The following CDH7 variants were observed in gnomAD, a reference collection of about 807,000 sequenced individuals.
The protein encoded by CDH7 is cadherin 7.
CDH7 carries 25 observed loss-of-function variants against 71.8 expected under a neutral mutation model. The observed-to-expected ratio is 0.35, with a 90% CI of 0.25 to 0.49. CDH7 has a LOEUF of 0.49. Among genes scored for constraint, CDH7 ranks in the 20% least tolerant of loss-of-function variants. The probability of loss-of-function intolerance (pLI) is 0.99; values close to 1 mark genes in which losing one functional copy is unlikely to be tolerated. For missense variants in CDH7, 862 were observed against 974.6 expected, an observed-to-expected ratio of 0.88 and a Z score of 1.54; for synonymous variants, 381 against 363.8, an observed-to-expected ratio of 1.05 and a Z score of -0.54.
intron 7 of CDH7, among the ~76,000 whole-genome samples, chr18:65,848,620 T>C (rs1319101314): frequency 1.3e-5 from 2 of 152,116 alleles, no homozygotes; most frequent in East Asian, 3.9e-4. Context: ...TAGTACTAAA[T>C]TATGAAATCA....
intron 2 of CDH7, among the ~76,000 whole-genome samples, chr18:65,791,667 A>T (rs572575346): frequency 2.6e-5 from 4 of 152,288 alleles, no homozygotes; most frequent in African/African-American, 9.6e-5. Context: ...TTATGTCAAG[A>T]CTTATTTTCT....
At chr18:65,848,836 A>T (rs963285112) in intron 7 of CDH7, among the ~76,000 whole-genome samples, 22 of 88,548 alleles carry the variant, frequency 2.5e-4, no homozygotes, top group Non-Finnish European at 6.1e-4. Context: ...GATAATATTT[A>T]CCCGTGGGCT....
rs750883854 is a variant in CDH7 at position 65,880,903 on chromosome 18, C to T, written c.*9C>T. On this transcript the variant is annotated 3_prime_UTR_variant, in exon 12 of 12. Coordinates refer to ENST00000397968, the MANE Select transcript of CDH7 (RefSeq NM_004361.5). ...AGAGTTTGTACTCATAGCCTTGGAA[C>T]CTTAATTCGAAATGTACTGAAGAAA... The T allele has an allele frequency of 8.3e-6, 13 of 1,567,008 alleles. No homozygotes were observed. The highest frequency in any genetic ancestry group is 1.1e-5 in the Non-Finnish European group (13 of 1,159,490).
At chr18:65,756,217 A>G (rs962279551) in intron 1 of CDH7, among the ~76,000 whole-genome samples, 2 of 152,050 alleles carry the variant, frequency 1.3e-5, no homozygotes, top group African/African-American at 4.8e-5. Flanking sequence ...TAGCTCAACA[A>G]TATTTTTTCT....
rs1915862366 is a variant in CDH7 at position 65,751,149 on chromosome 18, A to T, written c.-198A>T. ...GCCGTGGGGAGGGCAGCGAGGCCCC[A>T]GGTGAGTGTGTCTGCCTGCGCGGGG... On this transcript the variant is annotated splice_region_variant and 5_prime_UTR_variant, in exon 1 of 12. Transcript: ENST00000397968. 6.6e-6 allele frequency: 1 copy of T among 152,338 alleles called. No individual in the cohort carries two copies. The allele number at this position is 152,338 out of a possible 1,614,324, so 9.4% of individuals were successfully genotyped here.
intron 11 of CDH7, among the ~76,000 whole-genome samples, chr18:65,874,769 A>C (rs1023212708): frequency 6.6e-6 from 1 of 151,926 alleles, no homozygotes; most frequent in Non-Finnish European, 1.5e-5. Flanking sequence ...GTATATATAG[A>C]TATGTGGCCT....
chr18:65,880,996 T>A lies in CDH7; in HGVS notation c.*102T>A. ...ACCACTACATACAGAAAACAAGAAC[T>A]CCCCTTGCTGGAGACAGATGGTTGT... On this transcript the variant is annotated 3_prime_UTR_variant, in exon 12 of 12. Coordinates refer to ENST00000397968, the MANE Select transcript of CDH7 (RefSeq NM_004361.5). 1 of 1,133,770 alleles carries A rather than the reference T, an allele frequency of 8.8e-7. No individual in the cohort carries two copies. The highest frequency in any genetic ancestry group is 1.2e-6 in the Non-Finnish European group (1 of 820,954). The allele number at this position is 1,133,770 out of a possible 1,614,324, so 70.2% of individuals were successfully genotyped here. A position where few individuals can be genotyped will look rare whatever the true frequency, so the allele number is the denominator to read the frequency against.
intron 11 of CDH7, 44 bp from the exon 12 acceptor site, chr18:65,880,357 G>C: frequency 6.6e-7 from 1 of 1,510,632 alleles, no homozygotes. Flanking sequence ...GTGGGGCAAT[G>C]GGTGAGTTTA....
chr18:65,878,101 G>A (rs1914122681), intron 11 of CDH7, among the ~76,000 whole-genome samples: 1 of 152,194 alleles, frequency 6.6e-6, no homozygotes, highest in African/African-American at 2.4e-5. Flanking sequence ...ACCTACCCCA[G>A]AGAATTGTTG....
chr18:65,796,146 G>T (rs1910904907), intron 2 of CDH7, among the ~76,000 whole-genome samples: 1 of 152,056 alleles, frequency 6.6e-6, no homozygotes, highest in Non-Finnish European at 1.5e-5. Context: ...TATTGACATA[G>T]ATTTTTAAAT....
chr18:65,791,451 G>A (rs1376226090), intron 2 of CDH7, among the ~76,000 whole-genome samples: 1 of 152,142 alleles, frequency 6.6e-6, no homozygotes, highest in Admixed American at 6.5e-5. Context: ...AAAAAATGAG[G>A]TAGAGGAAGC....
In CDH7 at chr18:65,884,349, T is replaced by A. The variant is rs1276882767; in HGVS notation, c.*3455T>A. 1 of 152,120 alleles carries A rather than the reference T, an allele frequency of 6.6e-6. No homozygotes were observed. The highest frequency in any genetic ancestry group is 1.5e-5 in the Non-Finnish European group (1 of 67,996). 9.4% of individuals were successfully genotyped at this position (152,120 alleles called of 1,614,324 possible). A position where few individuals can be genotyped will look rare whatever the true frequency, so the allele number is the denominator to read the frequency against. Reference sequence around the variant, plus strand: ...TGCAGGCAATAAGTAGATTTTTGATTTTTCTACAAGCAATCACCAGATCTG... The same window carrying A: ...TGCAGGCAATAAGTAGATTTTTGATATTTCTACAAGCAATCACCAGATCTG... On this transcript the variant is annotated 3_prime_UTR_variant, in exon 12 of 12. Coordinates refer to ENST00000397968, the MANE Select transcript of CDH7 (RefSeq NM_004361.5).
chr18:65,866,672 A>G (rs1191761169), intron 11 of CDH7, among the ~76,000 whole-genome samples: 1 of 152,206 alleles, frequency 6.6e-6, no homozygotes, highest in African/African-American at 2.4e-5. Flanking sequence ...TAAACTGCAC[A>G]AGAAGTACAT....
chr18:65,817,822 GTATTTAAAC>G (rs1481262323), intron 4 of CDH7, among the ~76,000 whole-genome samples: 1 of 152,150 alleles, frequency 6.6e-6, no homozygotes, highest in Non-Finnish European at 1.5e-5. Flanking sequence ...TTGCATTGCA[GTATTTAAAC>G]TATTATCATC....
At chr18:65,866,525 T>G (rs1030322984) in intron 11 of CDH7, 1 of 152,084 alleles carries the variant, frequency 6.6e-6, no homozygotes, top group Non-Finnish European at 1.5e-5. Context: ...CACGTATCAA[T>G]GCTAACCCAA....
At chr18:65,853,906 CATATATATATATATATAT>C (rs4047846) in intron 7 of CDH7, among the ~76,000 whole-genome samples, 2,478 of 34,198 alleles carry the variant, frequency 0.072, 95 homozygotes, top group South Asian at 0.22. Flanking sequence ...CATAAATTAC[CATATATATATATATATAT>C]ATATATATAT....
At chr18:65,856,885 C>T (rs1444103843) in intron 7 of CDH7, among the ~76,000 whole-genome samples, 1 of 151,822 alleles carries the variant, frequency 6.6e-6, no homozygotes, top group African/African-American at 2.4e-5. Flanking sequence ...TAATTTTTCA[C>T]TGCTGAAAAA....
At chr18:65,782,627 T>C (rs1910355568) in intron 2 of CDH7, among the ~76,000 whole-genome samples, 3 of 152,302 alleles carry the variant, frequency 2.0e-5, no homozygotes, top group African/African-American at 7.2e-5. Context: ...GAACCATTGC[T>C]CTTAGGGGAA....
chr18:65,750,898 C>G (rs1193531882), upstream of CDH7: 1 of 152,178 alleles, frequency 6.6e-6, no homozygotes, highest in Non-Finnish European at 1.5e-5. Flanking sequence ...GCAGACGCAG[C>G]GGGCCCCCGG....
Sources: allele counts gnomAD v4.1 joint callset (sites outside exome capture counted in the v4.1 genomes callset), GRCh38; gene constraint gnomAD v4.1.1; transcripts MANE v1.5; gene names NCBI Gene and HGNC (gene_info 2026-07-23, HGNC 2026-07-21).